SNX8: variants seen among roughly 807,000 people sequenced by gnomAD.
SNX8 encodes sorting nexin 8.
In SNX8, 25 loss-of-function variants were observed where a neutral mutation model predicts 51.6. The ratio of observed to expected loss-of-function variants is 0.48; its 90% CI spans 0.35 to 0.68. The LOEUF is 0.68. Among genes scored for constraint, SNX8 ranks in the 30% least tolerant of loss-of-function variants. SNX8 has a pLI of 0.00. For synonymous variants in SNX8, 324 were observed against 277.0 expected, an observed-to-expected ratio of 1.17 and a Z score of -1.68; for missense variants, 695 against 624.0, an observed-to-expected ratio of 1.11 and a Z score of -1.21.
chr7:2,322,029 T>C (rs1485098166), intron 1 of SNX8, among the ~76,000 whole-genome samples: 1 of 152,180 alleles, frequency 6.6e-6, no homozygotes, highest in Non-Finnish European at 1.5e-5. Flanking sequence ...GGCCTCGAAT[T>C]TCTCAATTCT....
chr7:2,303,037 G>A (rs1263983352), intron 1 of SNX8, among the ~76,000 whole-genome samples: 87 of 151,466 alleles, frequency 5.7e-4, no homozygotes, highest in African/African-American at 2.0e-3. Flanking sequence ...CAGGCCAGCC[G>A]CCCCGTCCAG....
At chr7:2,255,408 A>T (rs1215783987) in intron 10 of SNX8, among the ~76,000 whole-genome samples, 2 of 152,232 alleles carry the variant, frequency 1.3e-5, no homozygotes, top group Non-Finnish European at 2.9e-5. Context: ...CCCTGCACCC[A>T]GGACCAAAGG....
chr7:2,313,514 A>T (rs1477003380), intron 1 of SNX8, among the ~76,000 whole-genome samples: 1 of 145,470 alleles, frequency 6.9e-6, no homozygotes, highest in Admixed American at 6.9e-5. Flanking sequence ...TGACAGTGAG[A>T]ATCTGTCTCA....
intron 1 of SNX8, among the ~76,000 whole-genome samples, chr7:2,347,427 G>C (rs571236317): frequency 7.1e-6 from 1 of 141,646 alleles, no homozygotes; most frequent in Non-Finnish European, 1.5e-5. Flanking sequence ...ATTGCAGGGA[G>C]CCAAGATAGC....
chr7:2,327,189 G>A (rs1052138942), intron 1 of SNX8, among the ~76,000 whole-genome samples: 2 of 151,934 alleles, frequency 1.3e-5, no homozygotes, highest in African/African-American at 4.8e-5. Flanking sequence ...TCATCACACA[G>A]CTGCCTTCTC....
intron 9 of SNX8, 40 bp downstream of exon 9, chr7:2,257,324 GA>G: frequency 6.3e-7 from 1 of 1,584,938 alleles, no homozygotes; most frequent in Non-Finnish European, 8.5e-7. Context: ...GCCGGGAGGG[GA>G]AAGGCTCCCA....
intron 4 of SNX8, 60 bp from the exon 5 acceptor site, chr7:2,269,699 G>C: frequency 8.7e-7 from 1 of 1,152,872 alleles, no homozygotes; most frequent in Non-Finnish European, 1.3e-6. Flanking sequence ...AGCTGCTGTG[G>C]GGTATGGGTC....
At chr7:2,286,772 T>C (rs1467618593) in intron 1 of SNX8, among the ~76,000 whole-genome samples, 2 of 152,010 alleles carry the variant, frequency 1.3e-5, no homozygotes, top group Admixed American at 6.5e-5. Context: ...TGCCTCAGCC[T>C]CCCAAAGTGC....
intron 1 of SNX8, among the ~76,000 whole-genome samples, chr7:2,336,186 G>A (rs542924619): frequency 8.6e-5 from 13 of 151,436 alleles, no homozygotes; most frequent in South Asian, 6.3e-4. Flanking sequence ...CAGATCACCT[G>A]AGGTAGGGAA....
chr7:2,352,976 T>C (rs1211749276), intron 1 of SNX8, among the ~76,000 whole-genome samples: 5 of 152,184 alleles, frequency 3.3e-5, no homozygotes, highest in African/African-American at 1.2e-4. Flanking sequence ...GGGAAGACTC[T>C]GCTTCTTTTT....
At chr7:2,256,013 A>T (rs982858749) in intron 10 of SNX8, among the ~76,000 whole-genome samples, 1 of 152,010 alleles carries the variant, frequency 6.6e-6, no homozygotes, top group East Asian at 1.9e-4. Context: ...ACAATAAAAA[A>T]CCTGGTAGGA....
At chr7:2,306,762 G>C (rs1446091878) in intron 1 of SNX8, among the ~76,000 whole-genome samples, 2 of 152,160 alleles carry the variant, frequency 1.3e-5, no homozygotes, top group African/African-American at 4.8e-5. Context: ...TTTTGCGATT[G>C]TGGTTGTATC....
intron 1 of SNX8, among the ~76,000 whole-genome samples, chr7:2,334,127 G>A (rs1778784654): frequency 6.6e-6 from 1 of 151,942 alleles, no homozygotes; most frequent in South Asian, 2.1e-4. Context: ...TAAAAAGGCT[G>A]GGCACAGGCC....
In SNX8 at chr7:2,284,458, A is replaced by G. The variant is rs548934667; in HGVS notation, c.95-6153T>C. 8.1e-5 allele frequency among the ~76,000 whole-genome samples: 11 copies of G among 135,488 alleles called. No individual in the cohort carries two copies. In the East Asian group the frequency reaches 2.3e-3, roughly 28 times the overall value. The allele number at this position is 135,488 out of a possible 152,430, so 88.9% of individuals were successfully genotyped here. ...ACTCTGTTGCCCAGGCTGGAGTGCA[A>G]TGGTGCAATCTCAGTTCACTGCAAT... On this transcript the variant is annotated intron_variant, in intron 1 of 10. Coordinates refer to ENST00000222990, the MANE Select transcript of SNX8 (RefSeq NM_013321.4).
At chr7:2,353,908 T>C (rs1376096544) in intron 1 of SNX8, among the ~76,000 whole-genome samples, 1 of 152,142 alleles carries the variant, frequency 6.6e-6, no homozygotes, top group African/African-American at 2.4e-5. Flanking sequence ...CTGGGTTGTT[T>C]TCTAGGATGA....
At chr7:2,323,349 AC>A (rs1562457862) in intron 1 of SNX8, among the ~76,000 whole-genome samples, 6 of 145,592 alleles carry the variant, frequency 4.1e-5, no homozygotes, top group East Asian at 4.0e-4. Context: ...AAAAAAAAAA[AC>A]AACCAAACAA....
chr7:2,338,128 C>T (rs1778862622), intron 1 of SNX8, among the ~76,000 whole-genome samples: 1 of 151,838 alleles, frequency 6.6e-6, no homozygotes, highest in African/African-American at 2.4e-5. Flanking sequence ...GAGTTTGAGA[C>T]CAGTCTGGGC....
At chr7:2,311,088 A>T (rs1796649046) in intron 1 of SNX8, among the ~76,000 whole-genome samples, 1 of 152,214 alleles carries the variant, frequency 6.6e-6, no homozygotes, top group Non-Finnish European at 1.5e-5. Flanking sequence ...TGCCCTAGAG[A>T]GCATTCACAG....
upstream of SNX8, among the ~76,000 whole-genome samples, chr7:2,316,639 AC>A (rs1584735831): frequency 6.7e-6 from 1 of 148,516 alleles, no homozygotes; most frequent in East Asian, 2.0e-4. Context: ...ACAACCACTC[AC>A]TCACTGCATC....
Sources: gnomAD v4.1 joint callset for allele counts (sites outside exome capture counted in the v4.1 genomes callset) on GRCh38, gnomAD v4.1.1 for gene constraint, MANE v1.5 for transcripts, NCBI Gene and HGNC (gene_info 2026-07-23, HGNC 2026-07-21) for gene names.